Variants in FRMD3 observed in about 807,000 individuals in gnomAD.
FRMD3 encodes the protein FERM domain containing 3.
A neutral mutation model predicts 70.2 loss-of-function variants in FRMD3; 33 were observed. The observed-to-expected ratio is 0.47, with a 90% CI of 0.36 to 0.63. The LOEUF is 0.63. Ranked by LOEUF, FRMD3 falls within the 20% of genes least tolerant of loss-of-function variation. The probability of loss-of-function intolerance (pLI) is 0.00; values close to 1 mark genes in which losing one functional copy is unlikely to be tolerated. For synonymous variants in FRMD3, 279 were observed against 255.9 expected (o/e 1.09, Z -0.86); for missense variants, 632 against 711.4 (o/e 0.89, Z 1.27).
At chr9:83,510,116 C>A (rs138759415) in intron 1 of FRMD3, among the ~76,000 whole-genome samples, 1 of 152,062 alleles carries the variant, frequency 6.6e-6, no homozygotes, top group Non-Finnish European at 1.5e-5. Flanking sequence ...GTCCCCCAGC[C>A]CCGCAGATGA....
chr9:83,342,656 G>A (rs536528997), intron 5 of FRMD3, among the ~76,000 whole-genome samples: 3 of 151,718 alleles, frequency 2.0e-5, no homozygotes, highest in African/African-American at 7.3e-5. Context: ...ATACACACAC[G>A]AATAGATAGG....
chr9:83,521,658 C>T (rs1929542), intron 1 of FRMD3, among the ~76,000 whole-genome samples: 6,965 of 152,226 alleles, frequency 0.046, 238 homozygotes, highest in South Asian at 0.1. Context: ...TAATTATTCC[C>T]TAATAAACAG....
intron 6 of FRMD3, among the ~76,000 whole-genome samples, chr9:83,327,427 T>C (rs1836063404): frequency 1.3e-5 from 2 of 152,198 alleles, no homozygotes; most frequent in South Asian, 4.1e-4. Flanking sequence ...ATAGCATTCA[T>C]GTGGAATGTG....
chr9:83,327,708 G>A (rs1340395875), intron 6 of FRMD3, among the ~76,000 whole-genome samples: 1 of 152,168 alleles, frequency 6.6e-6, no homozygotes, highest in Non-Finnish European at 1.5e-5. Context: ...ACTCTCCTAA[G>A]AAAGACATTC....
the FRMD3 span, among the ~76,000 whole-genome samples, chr9:83,558,463 A>G: frequency 6.6e-6 from 1 of 152,238 alleles, no homozygotes; most frequent in Admixed American, 6.5e-5. Flanking sequence ...TGCTGAAGAA[A>G]AAAAGCTTTG....
intron 1 of FRMD3, among the ~76,000 whole-genome samples, chr9:83,442,371 C>T (rs976925370): frequency 6.6e-6 from 1 of 151,404 alleles, no homozygotes; most frequent in African/African-American, 2.4e-5. Flanking sequence ...AATTCTCCTG[C>T]CTCAGCCTCC....
intron 2 of FRMD3, among the ~76,000 whole-genome samples, chr9:83,388,772 C>T (rs1485570947): frequency 6.6e-6 from 1 of 151,968 alleles, no homozygotes; most frequent in Non-Finnish European, 1.5e-5. Flanking sequence ...TCTGTCAAAA[C>T]TTTGTTGAAA....
In FRMD3 at chr9:83,434,701, T is replaced by A. The variant is rs189363819; in HGVS notation, c.148-44993A>T. ...GGATTCTCATGGTTTCCAGTGGAGGTCAAGGAGAAAAGAAGTGTTGTAACA... is the reference window on the plus strand; with the variant it reads ...GGATTCTCATGGTTTCCAGTGGAGGACAAGGAGAAAAGAAGTGTTGTAACA... On this transcript the variant is annotated intron_variant, in intron 1 of 13. Transcript: ENST00000304195. Among the ~76,000 whole-genome samples, 66 of 151,912 alleles carry A rather than the reference T, an allele frequency of 4.3e-4. 1 individual carries two copies. In the East Asian group the frequency reaches 0.012, roughly 28 times the overall value.
intron 1 of FRMD3, among the ~76,000 whole-genome samples, chr9:83,415,878 C>A (rs772804847): frequency 6.6e-6 from 1 of 152,114 alleles, no homozygotes; most frequent in Non-Finnish European, 1.5e-5. Flanking sequence ...TAATGCCCTG[C>A]ATAATTTGTT....
At chr9:83,561,145 A>G in the FRMD3 span, among the ~76,000 whole-genome samples, 2 of 152,158 alleles carry the variant, frequency 1.3e-5, no homozygotes, top group South Asian at 2.1e-4. Context: ...GAGCTACACC[A>G]TATCTTTTTA....
intron 13 of FRMD3, among the ~76,000 whole-genome samples, chr9:83,273,609 T>TAAAAAAAAAAAAAAAA (rs899879607): frequency 5.6e-5 from 4 of 71,322 alleles, no homozygotes; most frequent in Non-Finnish European, 8.3e-5. Context: ...CAATAAATAC[T>TAAAAAAAAAAAAAAAA]AAAAAAAAAA....
intron 1 of FRMD3, among the ~76,000 whole-genome samples, chr9:83,480,390 A>C (rs1828538931): frequency 6.6e-6 from 1 of 152,244 alleles, no homozygotes; most frequent in Non-Finnish European, 1.5e-5. Context: ...TATTCTGGAA[A>C]GCAAAAAATA....
intron 3 of FRMD3, among the ~76,000 whole-genome samples, chr9:83,364,701 T>TA (rs1396634988): frequency 3.3e-5 from 5 of 152,256 alleles, no homozygotes; most frequent in African/African-American, 1.2e-4. Flanking sequence ...CCCATGATTA[T>TA]AAAACATATT....
In FRMD3 at chr9:83,489,015, T is replaced by TGTGCGCGC. The variant is rs539396863; in HGVS notation, c.147+49069_147+49070insGCGCGCAC. ...GTGTGTGTGTGTGTGTGTGTGTGTGTGCTTGTGTGTGCGCACCTACACATG... is the reference window on the plus strand; with the variant it reads ...GTGTGTGTGTGTGTGTGTGTGTGTGTGTGCGCGCGCTTGTGTGTGCGCACCTACACATG... On this transcript the variant is annotated intron_variant, in intron 1 of 13. Transcript: ENST00000304195. 3.0e-5 allele frequency among the ~76,000 whole-genome samples: 4 copies of TGTGCGCGC among 131,634 alleles called. No individual in the cohort carries two copies. The South Asian group carries it at 9.2e-4, about 30-fold the overall frequency. The allele number at this position is 131,634 out of a possible 152,430, so 86.4% of individuals were successfully genotyped here. A position where few individuals can be genotyped will look rare whatever the true frequency, so the allele number is the denominator to read the frequency against.
At chr9:83,508,154 A>C (rs1042790878) in intron 1 of FRMD3, among the ~76,000 whole-genome samples, 31 of 152,210 alleles carry the variant, frequency 2.0e-4, no homozygotes, top group African/African-American at 7.5e-4. Flanking sequence ...AAATGTGAGA[A>C]GACAGAAAGG....
chr9:83,459,593 G>A (rs1002282791), intron 1 of FRMD3, among the ~76,000 whole-genome samples: 1 of 152,172 alleles, frequency 6.6e-6, no homozygotes, highest in Non-Finnish European at 1.5e-5. Flanking sequence ...ACACTCTCAG[G>A]GCCCACACTC....
chr9:83,559,734 A>G, the FRMD3 span, among the ~76,000 whole-genome samples: 3 of 152,246 alleles, frequency 2.0e-5, no homozygotes, highest in Non-Finnish European at 4.4e-5. Flanking sequence ...GAAGTTATAC[A>G]TAAATTTGTC....
intron 5 of FRMD3, among the ~76,000 whole-genome samples, chr9:83,336,059 G>A (rs1382642905): frequency 1.3e-5 from 2 of 152,126 alleles, no homozygotes; most frequent in Non-Finnish European, 2.9e-5. Flanking sequence ...TCTCCCAGAA[G>A]TTAGTCAAAG....
chr9:83,462,726 C>A (rs528737253), intron 1 of FRMD3, among the ~76,000 whole-genome samples: 1 of 152,248 alleles, frequency 6.6e-6, no homozygotes, highest in Admixed American at 6.5e-5. Flanking sequence ...CTGCCATCTT[C>A]CAGCAATTTC....
Sources: gnomAD v4.1 joint callset for allele counts (sites outside exome capture counted in the v4.1 genomes callset) on GRCh38, gnomAD v4.1.1 for gene constraint, MANE v1.5 for transcripts, NCBI Gene and HGNC (gene_info 2026-07-23, HGNC 2026-07-21) for gene names.